Variants in ATG5 observed in about 807,000 individuals in gnomAD.
ATG5 encodes autophagy related 5.
ATG5 carries 14 observed loss-of-function variants against 36.5 expected under a neutral mutation model. The ratio of observed to expected loss-of-function variants is 0.38; its 90% CI spans 0.25 to 0.60. The LOEUF (loss-of-function observed/expected upper bound fraction) is 0.60. ATG5 is among the 20% of genes least tolerant of loss of function. ATG5 has a pLI of 0.60. For missense variants in ATG5, 195 were observed against 326.7 expected (o/e 0.60, Z 3.11); for synonymous variants, 95 against 101.5 (o/e 0.94, Z 0.38).
chr6:106,272,184 C>A (rs1359372911), intron 5 of ATG5, among the ~76,000 whole-genome samples: 3 of 152,222 alleles, frequency 2.0e-5, no homozygotes, highest in Admixed American at 2.0e-4. Context: ...CTGGTATAGA[C>A]TCCCACTTGG....
At chr6:106,290,190 C>CTTATT (rs760405075) in intron 4 of ATG5, among the ~76,000 whole-genome samples, 4,343 of 148,978 alleles carry the variant, frequency 0.029, 100 homozygotes, top group Non-Finnish European at 0.043. Flanking sequence ...CCATACTTGG[C>CTTATT]TTATTTTATT....
chr6:106,313,744 CTTAA>C (rs1162029070), intron 2 of ATG5, among the ~76,000 whole-genome samples: 3 of 151,066 alleles, frequency 2.0e-5, no homozygotes, highest in Non-Finnish European at 4.4e-5. Context: ...TATGTTCAAG[CTTAA>C]TTGACAGCAA....
intron 3 of ATG5, among the ~76,000 whole-genome samples, chr6:106,295,230 ATC>A (rs1311139865): frequency 6.6e-6 from 1 of 152,194 alleles, no homozygotes; most frequent in Non-Finnish European, 1.5e-5. Context: ...TTTTTAGAAT[ATC>A]TCTCTTAGGT....
chr6:106,313,836 T>C (rs772544956), intron 2 of ATG5, among the ~76,000 whole-genome samples: 28 of 152,216 alleles, frequency 1.8e-4, no homozygotes, highest in Non-Finnish European at 3.5e-4. Context: ...ATCACTGATG[T>C]TTTATATATT....
At chr6:106,240,310 T>A (rs973277991) in intron 6 of ATG5, among the ~76,000 whole-genome samples, 5 of 149,190 alleles carry the variant, frequency 3.4e-5, no homozygotes, top group African/African-American at 1.2e-4. Flanking sequence ...AAGTTTAATA[T>A]CTATAAAAAT....
At chr6:106,227,413 G>A (rs909112602) in intron 6 of ATG5, among the ~76,000 whole-genome samples, 6 of 152,120 alleles carry the variant, frequency 3.9e-5, no homozygotes, top group African/African-American at 1.4e-4. Context: ...CTGGGCAGCA[G>A]AAAGAGGCTC....
At chr6:106,200,786 G>A (rs1776398911) in intron 7 of ATG5, among the ~76,000 whole-genome samples, 2 of 152,122 alleles carry the variant, frequency 1.3e-5, no homozygotes, top group Middle Eastern at 6.8e-3. Flanking sequence ...CCAACTCTAT[G>A]CAATTTTTAT....
chr6:106,225,421 T>C (rs1777415573), intron 6 of ATG5, among the ~76,000 whole-genome samples: 1 of 152,244 alleles, frequency 6.6e-6, no homozygotes, highest in Non-Finnish European at 1.5e-5. Flanking sequence ...ACTCATGTTC[T>C]TAAGCAATAT....
At chr6:106,220,622 A>G (rs1411557120) in intron 6 of ATG5, among the ~76,000 whole-genome samples, 1 of 152,198 alleles carries the variant, frequency 6.6e-6, no homozygotes, top group African/African-American at 2.4e-5. Flanking sequence ...TTTTAAAAGT[A>G]TGAGTAATTA....
intron 6 of ATG5, among the ~76,000 whole-genome samples, chr6:106,226,800 C>T (rs888333317): frequency 1.3e-5 from 2 of 151,974 alleles, no homozygotes; most frequent in South Asian, 4.1e-4. Context: ...AAGTACCAAA[C>T]AAAAATTCTG....
At chr6:106,219,259 T>C (rs1040557180) in intron 6 of ATG5, among the ~76,000 whole-genome samples, 17 of 152,224 alleles carry the variant, frequency 1.1e-4, no homozygotes, top group Non-Finnish European at 2.1e-4. Context: ...CAATTTTCTA[T>C]ATTTCATGTC....
At chr6:106,198,215 A>AAAGT (rs1441421982) in intron 7 of ATG5, among the ~76,000 whole-genome samples, 10 of 152,320 alleles carry the variant, frequency 6.6e-5, no homozygotes, top group African/African-American at 2.4e-4. Flanking sequence ...TCAAAAATAA[A>AAAGT]AAGTTTACTT....
chr6:106,269,615 G>A (rs1188016231), intron 5 of ATG5, among the ~76,000 whole-genome samples: 6 of 152,294 alleles, frequency 3.9e-5, no homozygotes, highest in South Asian at 2.1e-4. Flanking sequence ...ACTGCTGGGG[G>A]ACCCAGTACA....
intron 1 of ATG5, among the ~76,000 whole-genome samples, chr6:106,318,284 T>A (rs1426277273): frequency 6.6e-6 from 1 of 152,120 alleles, no homozygotes; most frequent in Non-Finnish European, 1.5e-5. Flanking sequence ...TGCATGTGAG[T>A]GTGGCTCCCT....
chr6:106,279,825 T>A lies in ATG5; in HGVS notation c.316-2A>T. On this transcript the variant is annotated splice_acceptor_variant, in intron 4 of 7. Coordinates refer to ENST00000369076, the MANE Select transcript of ATG5 (RefSeq NM_004849.4). LOFTEE classifies it high-confidence loss of function. ...CAGAAGGTCTTTTTCTGGAAAACTC[T>A]ATCAAAGGAAAAAATATACATATAA... 1 of 1,484,244 alleles carries A rather than the reference T, an allele frequency of 6.7e-7. No homozygotes were observed. The highest frequency in any genetic ancestry group is 1.4e-5 in the African/African-American group (1 of 70,744). 91.9% of individuals were successfully genotyped at this position (1,484,244 alleles called of 1,614,324 possible). A position where few individuals can be genotyped will look rare whatever the true frequency, so the allele number is the denominator to read the frequency against.
chr6:106,316,736 T>C (rs903329823), intron 1 of ATG5, among the ~76,000 whole-genome samples: 2 of 152,222 alleles, frequency 1.3e-5, no homozygotes, highest in South Asian at 2.1e-4. Context: ...TCTCCCATCT[T>C]AGAAAATATC....
intron 4 of ATG5, among the ~76,000 whole-genome samples, chr6:106,291,666 CTTCCAACATTAACAGAAAAGACTCG>C (rs1780313025): frequency 1.3e-5 from 2 of 152,110 alleles, no homozygotes; most frequent in African/African-American, 4.8e-5. Flanking sequence ...TTGGAATTAC[CTTCCAACATTAACAGAAAAGACTCG>C]TTAGGCAATA....
intron 5 of ATG5, among the ~76,000 whole-genome samples, chr6:106,275,925 C>T (rs553161405): frequency 2.9e-4 from 44 of 152,260 alleles, no homozygotes; most frequent in African/African-American, 9.1e-4. Flanking sequence ...AAGTAGCCAA[C>T]GACAATACAT....
intron 3 of ATG5, among the ~76,000 whole-genome samples, chr6:106,308,102 A>G (rs1321145543): frequency 6.6e-6 from 1 of 152,208 alleles, no homozygotes; most frequent in Non-Finnish European, 1.5e-5. Flanking sequence ...AAAATAGCCC[A>G]TAACCAAATA....
Sources: gnomAD v4.1 joint callset for allele counts (sites outside exome capture counted in the v4.1 genomes callset) on GRCh38, gnomAD v4.1.1 for gene constraint, MANE v1.5 for transcripts, NCBI Gene and HGNC (gene_info 2026-07-23, HGNC 2026-07-21) for gene names.